Variants in TIAM1 observed in about 807,000 individuals in gnomAD.
The protein encoded by TIAM1 is TIAM Rac1 associated GEF 1, also known as rho guanine nucleotide exchange factor TIAM1.
A neutral mutation model predicts 163.5 loss-of-function variants in TIAM1; 65 were observed. That is an observed-to-expected ratio of 0.40 (90% CI 0.33 to 0.49). The LOEUF is 0.49. TIAM1 is among the 20% of genes least tolerant of loss of function. TIAM1 has a pLI of 0.77. For synonymous variants in TIAM1, 833 were observed against 810.1 expected, an observed-to-expected ratio of 1.03 and a Z score of -0.48; for missense variants, 1,789 against 2,044.7, an observed-to-expected ratio of 0.87 and a Z score of 2.41.
At chr21:31,279,176 A>G (rs1285413036) in intron 2 of TIAM1, among the ~76,000 whole-genome samples, 1 of 152,230 alleles carries the variant, frequency 6.6e-6, no homozygotes, top group Non-Finnish European at 1.5e-5. Flanking sequence ...AAAGGGCATT[A>G]TTTGAAAAAC....
chr21:31,530,547 C>G (rs2047936787), intron 1 of TIAM1, among the ~76,000 whole-genome samples: 1 of 151,870 alleles, frequency 6.6e-6, no homozygotes, highest in Non-Finnish European at 1.5e-5. Flanking sequence ...CTAGAGGAAG[C>G]AGAGCCACGA....
chr21:31,225,162 T>G (rs1181949077), intron 7 of TIAM1, among the ~76,000 whole-genome samples: 1 of 152,058 alleles, frequency 6.6e-6, no homozygotes, highest in African/African-American at 2.4e-5. Flanking sequence ...CAGTTGCGGC[T>G]AATTTTTGTA....
intron 1 of TIAM1, among the ~76,000 whole-genome samples, chr21:31,543,706 C>G (rs2048393908): frequency 6.6e-6 from 1 of 152,110 alleles, no homozygotes; most frequent in Admixed American, 6.6e-5. Context: ...GATATATCCC[C>G]GAGGAGAAGT....
chr21:31,120,897 A>C lies in TIAM1; in HGVS notation c.4307-60T>G. The C allele has an allele frequency of 6.8e-7, 1 of 1,462,296 alleles. No individual in the cohort carries two copies. The highest frequency in any genetic ancestry group is 9.1e-7 in the Non-Finnish European group (1 of 1,098,874). The allele number at this position is 1,462,296 out of a possible 1,614,324, so 90.6% of individuals were successfully genotyped here. On this transcript the variant is annotated intron_variant, in intron 27 of 27. Transcript: ENST00000541036. This position sits in a 1 kb window ranked among gnomAD's most constrained non-coding sequence, Gnocchi z 4.2. ...CCCACATGCTTTACGTGAGATGAAA[A>C]TCCAGAAAGCAAAGGACAGGAGAAA...
intron 2 of TIAM1, among the ~76,000 whole-genome samples, chr21:31,329,988 T>C (rs2075626775): frequency 6.6e-6 from 1 of 152,224 alleles, no homozygotes; most frequent in African/African-American, 2.4e-5. Context: ...CCAAGATCTT[T>C]CAACAGAATG....
chr21:31,147,057 A>G (rs766651583), intron 19 of TIAM1, 54 bp from the exon 20 acceptor site: 1 of 1,504,216 alleles, frequency 6.6e-7, no homozygotes, highest in Non-Finnish European at 9.2e-7. Flanking sequence ...CACTGGAAAT[A>G]TCAGCAGGTT....
At chr21:31,403,305 A>G (rs2077195586) in intron 2 of TIAM1, among the ~76,000 whole-genome samples, 2 of 151,924 alleles carry the variant, frequency 1.3e-5, no homozygotes, top group African/African-American at 4.8e-5. Context: ...GTGCCACCAC[A>G]CCCGGCTAAT....
chr21:31,287,644 G>T (rs2073860925), intron 2 of TIAM1, among the ~76,000 whole-genome samples: 1 of 152,202 alleles, frequency 6.6e-6, no homozygotes, highest in African/African-American at 2.4e-5. Flanking sequence ...TCCAGTAAAA[G>T]AGAAGGGTAT....
At chr21:31,222,585 A>T (rs2087619841) in intron 8 of TIAM1, among the ~76,000 whole-genome samples, 1 of 150,642 alleles carries the variant, frequency 6.6e-6, no homozygotes, top group South Asian at 2.1e-4. Context: ...GTAAAAATAA[A>T]GTGAAATGGA....
chr21:31,507,917 A>G (rs780046196), intron 1 of TIAM1, among the ~76,000 whole-genome samples: 2 of 152,168 alleles, frequency 1.3e-5, no homozygotes, highest in Non-Finnish European at 2.9e-5. Context: ...TGTGACTGTG[A>G]CCCAACTGGA....
At chr21:31,195,796 CT>C (rs2146496846) in intron 12 of TIAM1, among the ~76,000 whole-genome samples, 1 of 152,136 alleles carries the variant, frequency 6.6e-6, no homozygotes, top group East Asian at 1.9e-4. Context: ...TTTTTAGCCA[CT>C]GAACTGTATC....
intron 2 of TIAM1, among the ~76,000 whole-genome samples, chr21:31,383,859 T>A (rs1190807895): frequency 2.0e-5 from 3 of 152,104 alleles, no homozygotes; most frequent in African/African-American, 7.2e-5. Context: ...CTTTCCAGAG[T>A]GAAAACCTGG....
intron 2 of TIAM1, among the ~76,000 whole-genome samples, chr21:31,327,362 G>C (rs2075524127): frequency 6.6e-6 from 1 of 152,122 alleles, no homozygotes; most frequent in Non-Finnish European, 1.5e-5. Context: ...TCTGTGGGCT[G>C]GGCGCAGTGG....
chr21:31,393,463 C>T (rs181096559), intron 2 of TIAM1, among the ~76,000 whole-genome samples: 39 of 152,274 alleles, frequency 2.6e-4, no homozygotes, highest in South Asian at 1.2e-3. Flanking sequence ...TGCCTCTGCA[C>T]CCAGAACACG....
chr21:31,160,139 C>G (rs142618337), intron 16 of TIAM1, among the ~76,000 whole-genome samples: 116 of 152,234 alleles, frequency 7.6e-4, no homozygotes, highest in Non-Finnish European at 1.3e-3. Flanking sequence ...GCAAAAAATG[C>G]AACTGACCAT....
intron 2 of TIAM1, among the ~76,000 whole-genome samples, chr21:31,311,171 TG>T (rs2074914290): frequency 1.0e-5 from 1 of 100,360 alleles, no homozygotes; most frequent in African/African-American, 4.9e-5. Flanking sequence ...TTGTTTGTTT[TG>T]TTTTTTTTTT....
intron 15 of TIAM1, among the ~76,000 whole-genome samples, chr21:31,174,378 C>T (rs1205941709): frequency 1.3e-5 from 2 of 152,216 alleles, no homozygotes; most frequent in Non-Finnish European, 2.9e-5. Context: ...ACAAACGCTG[C>T]TTAATCTACT....
intron 2 of TIAM1, among the ~76,000 whole-genome samples, chr21:31,298,188 G>A (rs8133975): frequency 2.2e-3 from 334 of 152,092 alleles, no homozygotes; most frequent in African/African-American, 6.7e-3. Flanking sequence ...ACTTCACTCC[G>A]CCACCCTGCC....
intron 2 of TIAM1, among the ~76,000 whole-genome samples, chr21:31,439,682 G>A (rs1018291573): frequency 1.1e-4 from 17 of 152,108 alleles, no homozygotes; most frequent in Admixed American, 2.0e-4. Flanking sequence ...ATATGTATAA[G>A]CTTCCTATTC....
Sources: allele counts gnomAD v4.1 joint callset (sites outside exome capture counted in the v4.1 genomes callset), GRCh38; gene constraint gnomAD v4.1.1; non-coding constraint Gnocchi (gnomAD v3.1); transcripts MANE v1.5; gene names NCBI Gene and HGNC (gene_info 2026-07-23, HGNC 2026-07-21).